BRINP1: variants seen among roughly 807,000 people sequenced by gnomAD.
BRINP1 encodes BMP/retinoic acid-inducible neural-specific protein 1.
Under a neutral mutation model 72.9 loss-of-function variants are expected in BRINP1, and 17 were observed. The ratio of observed to expected loss-of-function variants is 0.23; its 90% CI spans 0.16 to 0.35. The LOEUF is 0.35. BRINP1 is among the 10% of genes least tolerant of loss of function. The probability of loss-of-function intolerance (pLI) is 1.00; values close to 1 mark genes in which losing one functional copy is unlikely to be tolerated. For synonymous variants in BRINP1, 418 were observed against 378.5 expected (o/e 1.10, Z -1.21); for missense variants, 850 against 1,001.6 (o/e 0.85, Z 2.04).
intron 5 of BRINP1, among the ~76,000 whole-genome samples, chr9:119,223,668 A>G (rs1220317777): frequency 1.3e-5 from 2 of 152,104 alleles, no homozygotes; most frequent in Non-Finnish European, 2.9e-5. Flanking sequence ...AATTTTAGAC[A>G]GAATGTGTTT....
chr9:119,354,148 ATT>A (rs948251176), intron 1 of BRINP1, among the ~76,000 whole-genome samples: 1 of 152,106 alleles, frequency 6.6e-6, no homozygotes, highest in Admixed American at 6.6e-5. Context: ...GCTTGTATAC[ATT>A]TTTTGACATG....
intron 1 of BRINP1, among the ~76,000 whole-genome samples, chr9:119,342,251 G>A (rs1396911609): frequency 1.3e-5 from 2 of 152,072 alleles, no homozygotes; most frequent in African/African-American, 4.8e-5. Context: ...CAGTTGTAAT[G>A]ATATGAAATT....
At chr9:119,341,036 G>A (rs1289146314) in intron 1 of BRINP1, among the ~76,000 whole-genome samples, 4 of 152,126 alleles carry the variant, frequency 2.6e-5, no homozygotes, top group Admixed American at 6.5e-5. Flanking sequence ...GCACAGCAAC[G>A]GCTCTCTTTG....
At chr9:119,182,203 A>G (rs1374112160) in intron 7 of BRINP1, among the ~76,000 whole-genome samples, 1 of 152,206 alleles carries the variant, frequency 6.6e-6, no homozygotes, top group Non-Finnish European at 1.5e-5. Flanking sequence ...AAAAAAGTAA[A>G]ACAACAACAT....
At chr9:119,299,235 C>T (rs1269597184) in intron 2 of BRINP1, among the ~76,000 whole-genome samples, 1 of 152,062 alleles carries the variant, frequency 6.6e-6, no homozygotes, top group Non-Finnish European at 1.5e-5. Flanking sequence ...TTTCCAATTC[C>T]CCCACTCCTC....
intron 1 of BRINP1, among the ~76,000 whole-genome samples, chr9:119,364,924 G>A (rs1831675575): frequency 6.6e-6 from 1 of 152,246 alleles, no homozygotes; most frequent in South Asian, 2.1e-4. Flanking sequence ...TGAAGCAATT[G>A]TTAGCTAGAA....
chr9:119,246,236 T>C (rs1830314878), intron 3 of BRINP1, among the ~76,000 whole-genome samples: 2 of 152,206 alleles, frequency 1.3e-5, no homozygotes, highest in African/African-American at 4.8e-5. Flanking sequence ...GTATTGTTCC[T>C]GGGTGTGTCT....
intron 2 of BRINP1, among the ~76,000 whole-genome samples, chr9:119,298,807 C>T (rs1830908509): frequency 6.6e-6 from 1 of 152,146 alleles, no homozygotes; most frequent in Non-Finnish European, 1.5e-5. Flanking sequence ...CTTTTCAAGA[C>T]CTCTAGGCCC....
intron 1 of BRINP1, among the ~76,000 whole-genome samples, chr9:119,334,612 T>A (rs1419067143): frequency 6.6e-6 from 1 of 152,184 alleles, no homozygotes; most frequent in Non-Finnish European, 1.5e-5. Flanking sequence ...GAGGCAAGAC[T>A]TGGGGCAACT....
intron 7 of BRINP1, among the ~76,000 whole-genome samples, chr9:119,171,707 T>A (rs1829412494): frequency 9.2e-6 from 1 of 109,180 alleles, no homozygotes; most frequent in Non-Finnish European, 1.8e-5. Context: ...CCACACCTAT[T>A]CCAAAATTGA....
chr9:119,193,485 G>C (rs1288112269), intron 7 of BRINP1, among the ~76,000 whole-genome samples: 1 of 152,112 alleles, frequency 6.6e-6, no homozygotes, highest in East Asian at 1.9e-4. Context: ...TAACAAATAA[G>C]TAGGATGAAC....
chr9:119,196,954 G>A (rs1829744645), intron 7 of BRINP1, among the ~76,000 whole-genome samples: 1 of 152,196 alleles, frequency 6.6e-6, no homozygotes, highest in South Asian at 2.1e-4. Context: ...CAGCTCCCAT[G>A]TGAAATGTCC....
intron 1 of BRINP1, among the ~76,000 whole-genome samples, chr9:119,345,051 A>G (rs1434025641): frequency 6.6e-6 from 1 of 152,210 alleles, no homozygotes; most frequent in Non-Finnish European, 1.5e-5. Context: ...TAGCATCCAG[A>G]TGGCAGCCTA....
intron 7 of BRINP1, among the ~76,000 whole-genome samples, chr9:119,200,836 A>G (rs1451808772): frequency 6.6e-6 from 1 of 151,862 alleles, no homozygotes; most frequent in Non-Finnish European, 1.5e-5. Flanking sequence ...AAGCTACCAT[A>G]GTGAAGAACA....
At chr9:119,284,613 A>G (rs1830742046) in intron 2 of BRINP1, among the ~76,000 whole-genome samples, 1 of 152,192 alleles carries the variant, frequency 6.6e-6, no homozygotes, top group Non-Finnish European at 1.5e-5. Flanking sequence ...GCAGATCTCA[A>G]CCACTTGTCC....
In BRINP1 at chr9:119,282,744, C is replaced by T. The variant is rs542647168; in HGVS notation, c.218+30394G>A. ...GGGACTGGGGAACAAGAATGTTGTT[C>T]CTTTATTTTCAAAAACCCCAAATTT... On this transcript the variant is annotated intron_variant, in intron 2 of 7. Coordinates refer to ENST00000265922, the MANE Select transcript of BRINP1 (RefSeq NM_014618.3). 1,248 of 949,828 alleles carry T rather than the reference C, an allele frequency of 1.3e-3. 7 individuals carry two copies. The Middle Eastern group carries it at 0.017, about 13-fold the overall frequency. 58.8% of individuals were successfully genotyped at this position (949,828 alleles called of 1,614,324 possible). A position where few individuals can be genotyped will look rare whatever the true frequency, so the allele number is the denominator to read the frequency against.
chr9:119,257,231 T>TG (rs1422616629), intron 2 of BRINP1, among the ~76,000 whole-genome samples: 2 of 152,174 alleles, frequency 1.3e-5, no homozygotes, highest in East Asian at 3.9e-4. Context: ...ACATTTTCCA[T>TG]GGTTTCTCAT....
intron 2 of BRINP1, 97 bp from the exon 3 acceptor site, chr9:119,249,247 G>C: frequency 1.7e-6 from 2 of 1,149,462 alleles, no homozygotes; most frequent in Non-Finnish European, 2.4e-6. Flanking sequence ...TCCTTAAGTG[G>C]GAAAGTGCCT....
chr9:119,318,356 A>C (rs1564246965), intron 1 of BRINP1, among the ~76,000 whole-genome samples: 1 of 152,192 alleles, frequency 6.6e-6, no homozygotes, highest in Non-Finnish European at 1.5e-5. Flanking sequence ...TTTAAAAGAG[A>C]AATGTGATTT....
Sources: gnomAD v4.1 joint callset for allele counts (sites outside exome capture counted in the v4.1 genomes callset) on GRCh38, gnomAD v4.1.1 for gene constraint, MANE v1.5 for transcripts, NCBI Gene and HGNC (gene_info 2026-07-23, HGNC 2026-07-21) for gene names.